ARHGAP5: variants seen among roughly 807,000 people sequenced by gnomAD.
ARHGAP5 encodes Rho GTPase activating protein 5.
Under a neutral mutation model 116.6 loss-of-function variants are expected in ARHGAP5, and 23 were observed. The ratio of observed to expected loss-of-function variants is 0.20; its 90% CI spans 0.14 to 0.28. ARHGAP5 has a LOEUF of 0.28. Ranked by LOEUF, ARHGAP5 falls within the 10% of genes least tolerant of loss-of-function variation. The pLI, the probability that ARHGAP5 is intolerant of heterozygous loss-of-function variation, is 1.00. For missense variants in ARHGAP5, 1,405 were observed against 1,774.8 expected (o/e 0.79, Z 3.74); for synonymous variants, 574 against 602.0 (o/e 0.95, Z 0.68).
At chr14:32,124,329 A>G (rs1880039214) in intron 3 of ARHGAP5, among the ~76,000 whole-genome samples, 1 of 152,122 alleles carries the variant, frequency 6.6e-6, no homozygotes, top group Admixed American at 6.6e-5. Context: ...GTTTTTTACT[A>G]TGGGAGGGCA....
In ARHGAP5 at chr14:32,093,779, C is replaced by T. The variant is rs1387755125; in HGVS notation, c.3110C>T (p.Pro1037Leu). 1 of 1,614,036 alleles carries T rather than the reference C, an allele frequency of 6.2e-7. No homozygotes were observed. The change falls in exon 2 of 7, where the codon CCT (proline) becomes CTT (leucine). Residue 1037 changes from proline (P) to leucine (L), a missense_variant. By Grantham distance (98) the Pro-to-Leu change is moderately conservative. Around this residue, in one of 6 missense-constraint regions of ARHGAP5, gnomAD observed 944 missense variants for 1,095.3 expected, o/e 0.86. Coordinates refer to ENST00000345122, the MANE Select transcript of ARHGAP5 (RefSeq NM_001030055.2). ...GACCATGAACGCAACCATAAAGTGC[C>T]TCCACCTATTAAACCTAAACCAGTT... ...CHDHERNHKV[P>L]PPIKPKPVVP...
Position 32,091,983 on chromosome 14 carries a change from G to C in ARHGAP5, c.1314G>C (p.Leu438Phe). 1 of 1,613,618 alleles carries C rather than the reference G, an allele frequency of 6.2e-7. No homozygotes were observed. Among genetic ancestry groups the C allele is most frequent in the Non-Finnish European group, 8.5e-7 (1 of 1,179,684 alleles). The change falls in exon 2 of 7, where the codon TTG becomes TTC. Residue 438 changes from leucine (L) to phenylalanine (F), a missense_variant. Leu to Phe is a conservative substitution (Grantham distance 22, BLOSUM62 0). Around this residue, in one of 6 missense-constraint regions of ARHGAP5, gnomAD observed 944 missense variants for 1,095.3 expected, o/e 0.86. Transcript: ENST00000345122. ...VEMKEKFKKT[L>F]EKIQFISPGQ... ...TGAAGGAAAAATTCAAAAAGACTTT[G>C]GAAAAAATTCAATTCATTTCACCAG...
At chr14:32,117,559 T>C (rs1235679213) in intron 3 of ARHGAP5, among the ~76,000 whole-genome samples, 1 of 152,214 alleles carries the variant, frequency 6.6e-6, no homozygotes, top group Admixed American at 6.5e-5. Context: ...AGAATAACTT[T>C]ATTAAGTTAT....
At chr14:32,122,824 G>T (rs1283441320) in intron 3 of ARHGAP5, among the ~76,000 whole-genome samples, 2 of 152,150 alleles carry the variant, frequency 1.3e-5, no homozygotes, top group Non-Finnish European at 2.9e-5. Flanking sequence ...AAATGTGAAG[G>T]TTTATTTCTG....
chr14:32,097,935 C>A (rs1367019601), intron 2 of ARHGAP5, among the ~76,000 whole-genome samples: 2 of 152,198 alleles, frequency 1.3e-5, no homozygotes, highest in East Asian at 3.9e-4. Flanking sequence ...TGGAAAAGTA[C>A]AAAATGTTAT....
rs761411104 is a variant in ARHGAP5 at position 32,154,610 on chromosome 14, C to A, written c.4182-11C>A. 5.1e-6 allele frequency: 8 copies of A among 1,572,554 alleles called. No homozygotes were observed. Among genetic ancestry groups the A allele is most frequent in the Non-Finnish European group, 6.0e-6 (7 of 1,157,726 alleles). Reference sequence around the variant, plus strand: ...TTGATTTCTAAATGTTTTTTCCTTTCATAATTTCAGGGTTAGTCAGCAACA... The same window carrying A: ...TTGATTTCTAAATGTTTTTTCCTTTAATAATTTCAGGGTTAGTCAGCAACA... On this transcript the variant is annotated splice_polypyrimidine_tract_variant and intron_variant, in intron 6 of 6. Transcript: ENST00000345122.
chr14:32,147,445 ATTTG>A (rs879785398), intron 4 of ARHGAP5, among the ~76,000 whole-genome samples: 4 of 152,342 alleles, frequency 2.6e-5, no homozygotes, highest in Non-Finnish European at 5.9e-5. Flanking sequence ...GATTATATTT[ATTTG>A]TTTTATTTGA....
intron 3 of ARHGAP5, among the ~76,000 whole-genome samples, chr14:32,127,710 G>A (rs1001612373): frequency 1.3e-5 from 2 of 152,010 alleles, no homozygotes; most frequent in Non-Finnish European, 1.5e-5. Flanking sequence ...ACGGGGTGGC[G>A]GCCGGGCAGA....
chr14:32,127,219 G>T (rs1415201222), intron 3 of ARHGAP5, among the ~76,000 whole-genome samples: 1 of 151,636 alleles, frequency 6.6e-6, no homozygotes, highest in Non-Finnish European at 1.5e-5. Flanking sequence ...GTGTTTCTGG[G>T]AGAGGGGGAT....
At position 32,146,258 on chromosome 14, in the gene ARHGAP5, CTT is replaced by C. The variant is rs762269173; in HGVS notation, c.3866-4_3866-3del. On this transcript the variant is annotated splice_polypyrimidine_tract_variant and splice_region_variant and intron_variant, in intron 3 of 6. Coordinates refer to ENST00000345122, the MANE Select transcript of ARHGAP5 (RefSeq NM_001030055.2). ...TAAAGTATGCATATTTCTTTATTCT[CTT>C]AGGGTTATGTACCGAAGGACTCTAC... is the stretch of plus-strand genomic sequence containing the variant. 1 of 1,602,860 alleles carries C rather than the reference CTT, an allele frequency of 6.2e-7. No homozygotes were observed. Among genetic ancestry groups the C allele is most frequent in the Non-Finnish European group, 8.5e-7 (1 of 1,170,226 alleles).
intron 2 of ARHGAP5, among the ~76,000 whole-genome samples, chr14:32,100,306 C>G (rs1878733204): frequency 6.6e-6 from 1 of 152,170 alleles, no homozygotes; most frequent in African/African-American, 2.4e-5. Context: ...TTCAAGTGAT[C>G]TTCTCGCCTC....
At chr14:32,083,742 A>G (rs996280826) in intron 1 of ARHGAP5, among the ~76,000 whole-genome samples, 5 of 152,112 alleles carry the variant, frequency 3.3e-5, no homozygotes, top group Non-Finnish European at 5.9e-5. Flanking sequence ...AGTTGTTTGT[A>G]TGATGAAAAT....
chr14:32,138,371 A>T (rs1880922613), intron 3 of ARHGAP5, among the ~76,000 whole-genome samples: 1 of 152,050 alleles, frequency 6.6e-6, no homozygotes, highest in African/African-American at 2.4e-5. Flanking sequence ...TGCAACCTCC[A>T]CTCCTGGGTT....
chr14:32,139,825 G>A (rs760527160), intron 3 of ARHGAP5, among the ~76,000 whole-genome samples: 26 of 149,344 alleles, frequency 1.7e-4, no homozygotes, highest in South Asian at 4.2e-4. Context: ...GCAGGTTTCC[G>A]TCTGAAAATC....
In ARHGAP5 at chr14:32,145,885, G is replaced by A. The variant is rs1419908820; in HGVS notation, c.3866-378G>A. On this transcript the variant is annotated intron_variant, in intron 3 of 6. Transcript: ENST00000345122. ...TATTTTACCACTATAAATTTGTAAC[G>A]AAATTGTACATAAGATTAAGTACAT... 3.3e-5 allele frequency among the ~76,000 whole-genome samples: 5 copies of A among 152,152 alleles called. No individual in the cohort carries two copies. In the East Asian group the frequency reaches 5.8e-4, roughly 18 times the overall value.
chr14:32,151,002 G>A (rs1001469313), intron 5 of ARHGAP5, among the ~76,000 whole-genome samples: 2 of 152,120 alleles, frequency 1.3e-5, no homozygotes, highest in Admixed American at 1.3e-4. Flanking sequence ...CCTTTTGGTT[G>A]CAAGTCTTCA....
intron 4 of ARHGAP5, among the ~76,000 whole-genome samples, chr14:32,146,852 A>G (rs1321507407): frequency 6.6e-6 from 1 of 152,176 alleles, no homozygotes; most frequent in African/African-American, 2.4e-5. Flanking sequence ...TTTGTTTTTG[A>G]AATAACAAGA....
At chr14:32,109,673 G>A (rs535630026) in intron 2 of ARHGAP5, among the ~76,000 whole-genome samples, 4 of 151,778 alleles carry the variant, frequency 2.6e-5, no homozygotes, top group African/African-American at 9.7e-5. Flanking sequence ...AGTTGATTTT[G>A]TATCATGTGG....
Position 32,092,108 on chromosome 14 carries a change from G to A in ARHGAP5, c.1439G>A (p.Arg480Gln), listed in dbSNP as rs765331848. 5 of 1,613,848 alleles carry A rather than the reference G, an allele frequency of 3.1e-6. No individual in the cohort carries two copies. Among genetic ancestry groups the A allele is most frequent in the South Asian group, 1.1e-5 (1 of 91,060 alleles). ...AAAGAGGTATATGGTAGGCATCAGC[G>A]AGAAATAGTTGAAAAAGCCAAAGAA... ...DSKEVYGRHQ[R>Q]EIVEKAKEEF... Residue 480 changes from arginine (R) to glutamine (Q), a missense_variant, in exon 2 of 7, where the codon CGA becomes CAA. Coordinates refer to ENST00000345122, the MANE Select transcript of ARHGAP5 (RefSeq NM_001030055.2). The surrounding 1 kb of genome is among the most constrained non-coding windows in gnomAD (Gnocchi z 4.1).
Sources: gnomAD v4.1 joint callset for allele counts (sites outside exome capture counted in the v4.1 genomes callset) on GRCh38, gnomAD v4.1.1 for gene constraint, gnomAD v4.1.1 regional missense constraint, Gnocchi (gnomAD v3.1) non-coding constraint, MANE v1.5 for transcripts, NCBI Gene and HGNC (gene_info 2026-07-23, HGNC 2026-07-21) for gene names.